Variants in MCU observed in about 807,000 individuals in gnomAD.
MCU encodes the protein calcium uniporter protein, mitochondrial.
In MCU, 12 loss-of-function variants were observed where a neutral mutation model predicts 45.2. The ratio of observed to expected loss-of-function variants is 0.27; its 90% confidence interval spans 0.17 to 0.43. The LOEUF is 0.43. Among genes scored for constraint, MCU ranks in the 20% least tolerant of loss-of-function variants. The pLI is 1.00. For synonymous variants in MCU, 160 were observed against 165.1 expected, an observed-to-expected ratio of 0.97 and a Z score of 0.24; for missense variants, 324 against 436.7, an observed-to-expected ratio of 0.74 and a Z score of 2.30.
intron 1 of MCU, among the ~76,000 whole-genome samples, chr10:72,787,188 T>G (rs1037072097): frequency 6.6e-6 from 1 of 152,266 alleles, no homozygotes; most frequent in Non-Finnish European, 1.5e-5. Flanking sequence ...CCACGAAGCC[T>G]TCTCTGGCCA....
Position 72,747,942 on chromosome 10 carries a change from T to TTAATTTTCAAGTTAAAAAA in MCU, c.150+55641_150+55642insTAATTTTCAAGTTAAAAAA, listed in dbSNP as rs1486899460. Among the ~76,000 whole-genome samples, 9 of 151,694 alleles carry TTAATTTTCAAGTTAAAAAA rather than the reference T, an allele frequency of 5.9e-5. No homozygotes were observed. The East Asian group carries it at 1.4e-3, about 23-fold the overall frequency. ...AAGAAACAAGTAAAATTAATTTGAA[T>TTAATTTTCAAGTTAAAAAA]AATATATTTTATTTAACATAATATA... On this transcript the variant is annotated intron_variant, in intron 1 of 7. Coordinates refer to ENST00000373053, the MANE Select transcript of MCU (RefSeq NM_138357.3).
intron 1 of MCU, among the ~76,000 whole-genome samples, chr10:72,827,713 T>C (rs1379441368): frequency 1.3e-5 from 2 of 152,236 alleles, no homozygotes; most frequent in Non-Finnish European, 2.9e-5. Context: ...TTATCATGTT[T>C]ATATTGTCAC....
intron 1 of MCU, chr10:72,767,019 C>T (rs1334162043): frequency 6.6e-6 from 1 of 152,126 alleles, no homozygotes; most frequent in Non-Finnish European, 1.5e-5. Flanking sequence ...ACTTCTACCA[C>T]AATAAAATAT....
At chr10:72,818,454 G>C (rs976186822) in intron 1 of MCU, among the ~76,000 whole-genome samples, 4 of 152,142 alleles carry the variant, frequency 2.6e-5, no homozygotes, top group African/African-American at 9.7e-5. Flanking sequence ...GAACTGACCA[G>C]TTTTTATTTA....
At chr10:72,723,985 C>T (rs1424510197) in intron 1 of MCU, among the ~76,000 whole-genome samples, 4 of 152,166 alleles carry the variant, frequency 2.6e-5, no homozygotes, top group Non-Finnish European at 5.9e-5. Flanking sequence ...TCAGATTCTT[C>T]TAAGGTCATT....
intron 1 of MCU, among the ~76,000 whole-genome samples, chr10:72,774,892 A>C (rs1410248029): frequency 6.6e-6 from 1 of 152,162 alleles, no homozygotes; most frequent in Admixed American, 6.5e-5. Flanking sequence ...GGAGCACTTA[A>C]GTGTGTAAAG....
chr10:72,785,927 C>T (rs541858514), intron 1 of MCU, among the ~76,000 whole-genome samples: 2 of 152,192 alleles, frequency 1.3e-5, no homozygotes, highest in South Asian at 2.1e-4. Flanking sequence ...ATGTATTGCA[C>T]GCTTTAGAGA....
intron 5 of MCU, among the ~76,000 whole-genome samples, chr10:72,869,473 A>G (rs1291529342): frequency 6.6e-6 from 1 of 152,248 alleles, no homozygotes; most frequent in East Asian, 1.9e-4. Flanking sequence ...CTATAGTCCC[A>G]GCTACCTGGG....
intron 1 of MCU, among the ~76,000 whole-genome samples, chr10:72,757,607 T>C (rs959657175): frequency 6.6e-5 from 10 of 151,246 alleles, no homozygotes; most frequent in Non-Finnish European, 7.4e-5. Context: ...TTTTTTTTAA[T>C]CTCTAAAGAG....
intron 1 of MCU, among the ~76,000 whole-genome samples, chr10:72,701,567 C>T (rs1325280034): frequency 6.6e-6 from 1 of 152,132 alleles, no homozygotes; most frequent in African/African-American, 2.4e-5. Flanking sequence ...TACTCTGTCG[C>T]CCAGGCTGGA....
At chr10:72,748,140 C>T (rs1384108563) in intron 1 of MCU, among the ~76,000 whole-genome samples, 1 of 151,712 alleles carries the variant, frequency 6.6e-6, no homozygotes, top group Non-Finnish European at 1.5e-5. Context: ...CTCTGCCTCC[C>T]GGGTTCAAGT....
Position 72,793,254 on chromosome 10 carries a change from G to A in MCU, c.151-41105G>A, listed in dbSNP as rs571160216. ...AATCAGCATTGTCACCAAGGTGAGG[G>A]AGAGCCTGCCTCAAATCCTCAGGCA... On this transcript the variant is annotated intron_variant, in intron 1 of 7. Transcript: ENST00000373053. Among the ~76,000 whole-genome samples, 11 of 152,310 alleles carry A rather than the reference G, an allele frequency of 7.2e-5. 1 individual carries two copies. In the South Asian group the frequency reaches 2.3e-3, roughly 32 times the overall value.
intron 1 of MCU, among the ~76,000 whole-genome samples, chr10:72,699,722 G>T (rs910130405): frequency 2.6e-5 from 4 of 151,728 alleles, no homozygotes; most frequent in Non-Finnish European, 4.4e-5. Context: ...CTCCTGAGTG[G>T]CTGGGACTAC....
At chr10:72,838,861 G>A (rs992960731) in intron 2 of MCU, among the ~76,000 whole-genome samples, 3 of 151,982 alleles carry the variant, frequency 2.0e-5, no homozygotes, top group African/African-American at 7.3e-5. Context: ...CATGGTTTTG[G>A]GAACCAGATA....
rs1204057950 is a variant in MCU, at chr10:72,886,243, T to C, written c.*421T>C. 6.5e-6 allele frequency: 1 copy of C among 154,672 alleles called. No individual in the cohort carries two copies. The highest frequency in any genetic ancestry group is 1.4e-5 in the Non-Finnish European group (1 of 69,382). 9.6% of individuals were successfully genotyped at this position (154,672 alleles called of 1,614,324 possible). ...TTGACATAGGAGTAAATAAATATAC[T>C]AGAAAAGCAAATTCTCATGATATGC... On this transcript the variant is annotated 3_prime_UTR_variant, in exon 8 of 8. Transcript: ENST00000373053.
intron 4 of MCU, among the ~76,000 whole-genome samples, chr10:72,861,517 C>T (rs1443173281): frequency 6.6e-6 from 1 of 151,900 alleles, no homozygotes; most frequent in Non-Finnish European, 1.5e-5. Context: ...GCCTCCACTT[C>T]CCAGGTTCAA....
chr10:72,719,272 A>G (rs1022916017), intron 1 of MCU, among the ~76,000 whole-genome samples: 2 of 152,208 alleles, frequency 1.3e-5, no homozygotes, highest in African/African-American at 4.8e-5. Context: ...AGGATTATCA[A>G]GGTACCATTA....
At chr10:72,753,011 T>G (rs1843524541) in intron 1 of MCU, among the ~76,000 whole-genome samples, 2 of 152,178 alleles carry the variant, frequency 1.3e-5, no homozygotes, top group Non-Finnish European at 2.9e-5. Flanking sequence ...AAACACCATC[T>G]TTTCTATTGA....
chr10:72,699,221 C>A (rs1283478857), intron 1 of MCU, among the ~76,000 whole-genome samples: 1 of 151,968 alleles, frequency 6.6e-6, no homozygotes, highest in East Asian at 1.9e-4. Flanking sequence ...GAATCTTAAA[C>A]GTTTGCCAGC....
Sources: gnomAD v4.1 joint callset for allele counts (sites outside exome capture counted in the v4.1 genomes callset) on GRCh38, gnomAD v4.1.1 for gene constraint, MANE v1.5 for transcripts, NCBI Gene and HGNC (gene_info 2026-07-23, HGNC 2026-07-21) for gene names.